GSE1: variants seen among roughly 807,000 people sequenced by gnomAD.
The protein encoded by GSE1 is Gse1 coiled-coil protein, also known as genetic suppressor element 1.
Under a neutral mutation model 112.6 loss-of-function variants are expected in GSE1, and 32 were observed. The ratio of observed to expected loss-of-function variants is 0.28; its 90% CI spans 0.21 to 0.38. The LOEUF (loss-of-function observed/expected upper bound fraction) is 0.38. GSE1 is among the 10% of genes least tolerant of loss of function. GSE1 has a pLI of 1.00. For missense variants in GSE1, 2,348 were observed against 1,699.2 expected (o/e 1.38, Z -6.71); for synonymous variants, 1,115 against 735.6 (o/e 1.52, Z -8.35).
upstream of GSE1, among the ~76,000 whole-genome samples, chr16:85,553,639 A>G (rs1338351642): frequency 6.6e-6 from 1 of 151,902 alleles, no homozygotes; most frequent in African/African-American, 2.4e-5. Flanking sequence ...CGCCGCAGCC[A>G]CCGAGCTGCT....
At chr16:85,258,254 C>G (rs1480652431) in intron 1 of GSE1, among the ~76,000 whole-genome samples, 1 of 152,216 alleles carries the variant, frequency 6.6e-6, no homozygotes, top group South Asian at 2.1e-4. Flanking sequence ...GCCCATCGCA[C>G]CGCTGGGAGC....
chr16:85,629,176 C>T (rs2049329800), intron 1 of GSE1, among the ~76,000 whole-genome samples: 1 of 152,250 alleles, frequency 6.6e-6, no homozygotes, highest in Admixed American at 6.5e-5. Context: ...GCTTCCTGTA[C>T]ACCCCACAGA....
intron 2 of GSE1, among the ~76,000 whole-genome samples, chr16:85,418,897 A>G (rs2048762833): frequency 6.6e-6 from 1 of 152,048 alleles, no homozygotes; most frequent in African/African-American, 2.4e-5. Flanking sequence ...AGAGAGAGAG[A>G]ACCTTAGAAC....
At chr16:85,458,734 GCAA>G (rs1428413347) in intron 2 of GSE1, among the ~76,000 whole-genome samples, 1,875 of 152,302 alleles carry the variant, frequency 0.012, 39 homozygotes, top group African/African-American at 0.043. Context: ...GGGTGGCAGA[GCAA>G]GGCTGTGTCC....
chr16:85,441,147 G>A lies in GSE1; in HGVS notation c.2464+83504G>A, dbSNP rs562317426. Among the ~76,000 whole-genome samples, 4 of 152,282 alleles carry A rather than the reference G, an allele frequency of 2.6e-5. 1 individual carries two copies. Among genetic ancestry groups the A allele is most frequent in the Middle Eastern group, 6.8e-3 (2 of 294 alleles). ...GGATAGGCTGGGGTTTCTCAGCCTC[G>A]GCACTGTTGGCATTTGGGCTGGCTC... On this transcript the variant is annotated intron_variant, in intron 2 of 2. Transcript: ENST00000637419.
At chr16:85,190,613 A>G (rs1045375936) in intron 1 of GSE1, among the ~76,000 whole-genome samples, 3 of 152,264 alleles carry the variant, frequency 2.0e-5, no homozygotes, top group African/African-American at 7.2e-5. Flanking sequence ...CAGGAAGGGA[A>G]AGGGACTTGC....
In GSE1 at chr16:85,420,485, C is replaced by T. The variant is rs191699145; in HGVS notation, c.2464+62842C>T. Among the ~76,000 whole-genome samples the T allele has an allele frequency of 2.6e-4, 40 of 152,154 alleles. No homozygotes were observed. The East Asian group carries it at 7.2e-3, about 27-fold the overall frequency. Reference sequence around the variant, plus strand: ...GCCATGTCTCCTCGGAGGAAGTCCCCGCTGCGGAGGACCCTGGGGCTTCCA... The same window carrying T: ...GCCATGTCTCCTCGGAGGAAGTCCCTGCTGCGGAGGACCCTGGGGCTTCCA... On this transcript the variant is annotated intron_variant, in intron 2 of 2. Coordinates refer to the GSE1 transcript ENST00000637419.
chr16:85,562,630 G>A (rs148264266), intron 1 of GSE1, among the ~76,000 whole-genome samples: 207 of 152,366 alleles, frequency 1.4e-3, no homozygotes, highest in African/African-American at 4.7e-3. Context: ...GGACAGAGCC[G>A]GGAAGGGGAG....
chr16:85,585,402 C>G (rs1355549330), intron 1 of GSE1, among the ~76,000 whole-genome samples: 1 of 152,244 alleles, frequency 6.6e-6, no homozygotes, highest in Non-Finnish European at 1.5e-5. Context: ...TTTCAGGGTG[C>G]CCAGGCATGA....
At chr16:85,384,497 G>A (rs2047640926) in intron 2 of GSE1, among the ~76,000 whole-genome samples, 2 of 152,202 alleles carry the variant, frequency 1.3e-5, no homozygotes, top group Admixed American at 1.3e-4. Context: ...TGTGTCAGAG[G>A]GTCCTGCAGT....
intron 1 of GSE1, among the ~76,000 whole-genome samples, chr16:85,297,293 C>G (rs545330476): frequency 8.5e-5 from 13 of 152,382 alleles, no homozygotes; most frequent in African/African-American, 2.9e-4. Flanking sequence ...AGGCCTCCCT[C>G]AGGCCCACCA....
intron 1 of GSE1, among the ~76,000 whole-genome samples, chr16:85,267,394 C>G (rs1908360130): frequency 6.6e-6 from 1 of 152,166 alleles, no homozygotes; most frequent in African/African-American, 2.4e-5. Context: ...TCCATCACCC[C>G]CTCGGTGACT....
chr16:85,597,776 C>T (rs1293010450), intron 1 of GSE1, among the ~76,000 whole-genome samples: 1 of 152,164 alleles, frequency 6.6e-6, no homozygotes, highest in African/African-American at 2.4e-5. Flanking sequence ...TGGCTGGATT[C>T]TTCAATAACT....
intron 1 of GSE1, among the ~76,000 whole-genome samples, chr16:85,344,217 C>G (rs936592199): frequency 6.6e-6 from 1 of 152,114 alleles, no homozygotes; most frequent in Non-Finnish European, 1.5e-5. Flanking sequence ...AGGGATAGTG[C>G]CCAGGGGAAA....
At chr16:85,298,862 T>G (rs1251340422) in intron 1 of GSE1, among the ~76,000 whole-genome samples, 2 of 152,098 alleles carry the variant, frequency 1.3e-5, no homozygotes, top group Non-Finnish European at 2.9e-5. Context: ...GGAGTGGGTG[T>G]GGGGGAGCAT....
chr16:85,531,083 G>T (rs989772265), intron 2 of GSE1, among the ~76,000 whole-genome samples: 1 of 152,262 alleles, frequency 6.6e-6, no homozygotes, highest in Admixed American at 6.5e-5. Context: ...CTCTGGCTTC[G>T]TTCGGTTGCC....
chr16:85,656,629 G>C lies in GSE1; in HGVS notation c.1276G>C (p.Gly426Arg). ...GLRGHATEER[G>R]KPSEQLTPTR... ...GCGTGGCCATGCCACTGAGGAGCGG[G>C]GCAAGCCCTCGGAGCAGCTGACCCC... The change falls in exon 7 of 16, where the codon GGC (glycine) becomes CGC (arginine). Residue 426 changes from glycine to arginine, a missense_variant. By Grantham distance (125) the Gly-to-Arg change is moderately radical. Transcript: ENST00000253458. 1.9e-6 allele frequency: 3 copies of C among 1,539,332 alleles called. No homozygotes were observed. The highest frequency in any genetic ancestry group is 2.6e-6 in the Non-Finnish European group (3 of 1,141,318).
At chr16:85,326,749 T>A (rs1211276428) in intron 1 of GSE1, among the ~76,000 whole-genome samples, 1 of 152,220 alleles carries the variant, frequency 6.6e-6, no homozygotes, top group African/African-American at 2.4e-5. Context: ...GTGCTTACTT[T>A]GTGGTTTCAG....
intron 1 of GSE1, among the ~76,000 whole-genome samples, chr16:85,326,252 CA>C (rs1404424286): frequency 6.6e-6 from 1 of 151,958 alleles, no homozygotes; most frequent in Non-Finnish European, 1.5e-5. Context: ...GACTCTGAGC[CA>C]CCCGCCTGGT....
Sources: allele counts gnomAD v4.1 joint callset (sites outside exome capture counted in the v4.1 genomes callset), GRCh38; gene constraint gnomAD v4.1.1; transcripts MANE v1.5; gene names NCBI Gene and HGNC (gene_info 2026-07-23, HGNC 2026-07-21).